The following FRYL variants were observed in gnomAD, a reference collection of about 807,000 sequenced individuals.
FRYL encodes FRY like transcription coactivator.
FRYL carries 150 observed loss-of-function variants against 351.2 expected under a neutral mutation model. The observed-to-expected ratio is 0.43, with a 90% CI of 0.37 to 0.49. The LOEUF (loss-of-function observed/expected upper bound fraction) is 0.49, where lower values mean the gene tolerates loss of function less well. Among genes scored for constraint, FRYL ranks in the 20% least tolerant of loss-of-function variants. The pLI is 0.00. For missense variants in FRYL, 3,036 were observed against 3,619.3 expected (o/e 0.84, Z 4.13); for synonymous variants, 1,153 against 1,257.1 (o/e 0.92, Z 1.75).
chr4:48,722,561 T>C (rs1437495246), intron 1 of FRYL, among the ~76,000 whole-genome samples: 2 of 152,228 alleles, frequency 1.3e-5, no homozygotes, highest in Non-Finnish European at 2.9e-5. Context: ...TCCTCACTTG[T>C]AACATGTCTA....
chr4:48,766,334 GAC>G (rs2109393396), intron 1 of FRYL, among the ~76,000 whole-genome samples: 1 of 152,224 alleles, frequency 6.6e-6, no homozygotes, highest in South Asian at 2.1e-4. Context: ...CTTCCTTCAA[GAC>G]ACAAATAAAA....
At chr4:48,533,107 A>G (rs1177333434) in intron 49 of FRYL, among the ~76,000 whole-genome samples, 1 of 152,138 alleles carries the variant, frequency 6.6e-6, no homozygotes, top group East Asian at 1.9e-4. Context: ...GGGAGTGTGC[A>G]GTTCACTTAG....
rs1245641775 is a variant in FRYL at position 48,582,595 on chromosome 4, G to A, written c.1888C>T (p.His630Tyr). 3 of 1,613,714 alleles carry A rather than the reference G, an allele frequency of 1.9e-6. No homozygotes were observed. The highest frequency in any genetic ancestry group is 2.5e-6 in the Non-Finnish European group (3 of 1,179,792). The change falls in exon 20 of 64, where the codon CAT (histidine) becomes TAT (tyrosine). Residue 630 changes from histidine (H) to tyrosine (Y), a missense_variant. Physicochemically the swap from His to Tyr is moderately conservative, Grantham distance 83. Coordinates refer to ENST00000358350, the MANE Select transcript of FRYL (RefSeq NM_015030.2). ...YFIVREVTDV[H>Y]PTLLDNAVKM... ...ACGGCATTATCAAGAAGTGTGGGATGGACATCAGTCACTTCACGAACAATA... is the reference window on the plus strand; with the variant it reads ...ACGGCATTATCAAGAAGTGTGGGATAGACATCAGTCACTTCACGAACAATA...
At chr4:48,590,198 G>A (rs536469229) in intron 17 of FRYL, among the ~76,000 whole-genome samples, 1 of 152,184 alleles carries the variant, frequency 6.6e-6, no homozygotes, top group East Asian at 1.9e-4. Flanking sequence ...CGTATTCACT[G>A]TGGGCTGAGC....
Position 48,579,116 on chromosome 4 carries a change from G to A in FRYL, c.2385C>T (p.Thr795=). Residue 795 remains threonine, a synonymous_variant, in exon 23 of 64, where the codon ACC becomes ACT. Coordinates refer to ENST00000358350, the MANE Select transcript of FRYL (RefSeq NM_015030.2). The part of the protein sequence containing the change: ...PSHIWIFAHV[T]QGQDPWIISL... ...TTATAATCCATGGGTCTTGGCCTTG[G>A]GTCACATGTGCAAATATCCATATAT... 1 of 1,613,890 alleles carries A rather than the reference G, an allele frequency of 6.2e-7. No individual in the cohort carries two copies. Among genetic ancestry groups the A allele is most frequent in the Non-Finnish European group, 8.5e-7 (1 of 1,179,910 alleles).
Position 48,565,027 on chromosome 4 carries a change from A to G in FRYL, c.3347T>C (p.Leu1116Pro), listed in dbSNP as rs766826976. 1 of 1,573,600 alleles carries G rather than the reference A, an allele frequency of 6.4e-7. No individual in the cohort carries two copies. Among genetic ancestry groups the G allele is most frequent in the Non-Finnish European group, 8.7e-7 (1 of 1,154,500 alleles). ...YCALKAMSAV[L>P]CCGPVADNVG... ...ATTATCTGCAACAGGGCCACAACAC[A>G]GTACAGCAGACATAGCCTTCAAATA... is the stretch of plus-strand genomic sequence containing the variant. The change falls in exon 30 of 64, where the codon CTG becomes CCG. Residue 1116 changes from leucine to proline, a missense_variant. Physicochemically the swap from Leu to Pro is moderately conservative, Grantham distance 98. Around this residue, in one of 7 missense-constraint regions of FRYL, gnomAD observed 1,987 missense variants for 2,311.7 expected, o/e 0.86. Coordinates refer to ENST00000358350, the MANE Select transcript of FRYL (RefSeq NM_015030.2).
At chr4:48,609,656 C>A in intron 8 of FRYL, 88 bp downstream of exon 8, 2 of 568,178 alleles carry the variant, frequency 3.5e-6, no homozygotes, top group Non-Finnish European at 3.0e-6. Flanking sequence ...TTGCCTTGAA[C>A]TCTCAAACAA....
At chr4:48,548,595 G>T (rs575457174) in intron 40 of FRYL, 95 bp downstream of exon 40, 21 of 703,464 alleles carry the variant, frequency 3.0e-5, no homozygotes, top group Non-Finnish European at 4.9e-5. Context: ...AAAATAACAG[G>T]AAACAGAAAC....
At position 48,575,200 on chromosome 4, in the gene FRYL, T is replaced by C. The variant is rs763489428; in HGVS notation, c.2763A>G (p.Ile921Met). The change falls in exon 25 of 64, where the codon ATA becomes ATG. Residue 921 changes from isoleucine (I) to methionine (M), a missense_variant. Coordinates refer to ENST00000358350, the MANE Select transcript of FRYL (RefSeq NM_015030.2). ...TGCTCTCAGAACGCATCATTGGAAC[T>C]ATGTGCTTAAACAAGGATGAAGGGG... Reference protein sequence around the residue: ...IPSPSSLFKHIVPMMRSESME... With the variant: ...IPSPSSLFKHMVPMMRSESME... 3 of 1,613,950 alleles carry C rather than the reference T, an allele frequency of 1.9e-6. No homozygotes were observed. Among genetic ancestry groups the C allele is most frequent in the East Asian group, 2.2e-5 (1 of 44,866 alleles).
intron 3 of FRYL, among the ~76,000 whole-genome samples, chr4:48,670,916 T>C (rs1762548527): frequency 6.6e-6 from 1 of 152,190 alleles, no homozygotes; most frequent in African/African-American, 2.4e-5. Flanking sequence ...ATGGGAGTGA[T>C]GATATCTCTT....
At chr4:48,616,033 G>T (rs1487018583) in intron 7 of FRYL, among the ~76,000 whole-genome samples, 1 of 152,074 alleles carries the variant, frequency 6.6e-6, no homozygotes, top group African/African-American at 2.4e-5. Context: ...ATGGACACAG[G>T]GAGGGGAAGG....
intron 7 of FRYL, chr4:48,618,613 A>G (rs1750039367): frequency 2.0e-5 from 3 of 151,848 alleles, no homozygotes; most frequent in African/African-American, 7.3e-5. Flanking sequence ...AAAGCTTTCA[A>G]ATTCAGCACA....
chr4:48,688,093 C>T (rs1350351018), intron 2 of FRYL, among the ~76,000 whole-genome samples: 1 of 152,128 alleles, frequency 6.6e-6, no homozygotes, highest in African/African-American at 2.4e-5. Flanking sequence ...TTACATTATA[C>T]TTGAATACTA....
At chr4:48,713,608 C>G (rs1405790012) in intron 1 of FRYL, among the ~76,000 whole-genome samples, 1 of 152,148 alleles carries the variant, frequency 6.6e-6, no homozygotes, top group Non-Finnish European at 1.5e-5. Context: ...CAGGAGCACC[C>G]AGATTCATAA....
At chr4:48,756,157 T>G (rs1370428538) in intron 1 of FRYL, among the ~76,000 whole-genome samples, 1 of 149,276 alleles carries the variant, frequency 6.7e-6, no homozygotes, top group African/African-American at 2.5e-5. Context: ...TTGGTTGAGC[T>G]GGGAGGTCAA....
chr4:48,677,128 A>T (rs1763839184), intron 3 of FRYL, among the ~76,000 whole-genome samples: 1 of 152,226 alleles, frequency 6.6e-6, no homozygotes, highest in Non-Finnish European at 1.5e-5. Context: ...TTCTAGGAAA[A>T]TTTTTAAAAT....
intron 22 of FRYL, among the ~76,000 whole-genome samples, chr4:48,580,173 C>T (rs139888040): frequency 6.6e-6 from 1 of 152,012 alleles, no homozygotes; most frequent in African/African-American, 2.4e-5. Context: ...GGTGTTATGC[C>T]GCAAGCTCTT....
intron 1 of FRYL, among the ~76,000 whole-genome samples, chr4:48,779,005 A>AG (rs1553889807): frequency 2.0e-5 from 3 of 151,238 alleles, no homozygotes; most frequent in African/African-American, 7.3e-5. Context: ...CCTAACCCCC[A>AG]CCCCCTTTTT....
chr4:48,699,793 G>T (rs1353513109), intron 2 of FRYL, among the ~76,000 whole-genome samples: 1 of 121,750 alleles, frequency 8.2e-6, no homozygotes, highest in Non-Finnish European at 1.9e-5. Flanking sequence ...TTGGCCCCTG[G>T]ATCAGTTTAC....
Sources: allele counts gnomAD v4.1 joint callset (sites outside exome capture counted in the v4.1 genomes callset), GRCh38; gene constraint gnomAD v4.1.1; regional missense constraint gnomAD v4.1.1; transcripts MANE v1.5; gene names NCBI Gene and HGNC (gene_info 2026-07-23, HGNC 2026-07-21).